POLN: variants seen among roughly 807,000 people sequenced by gnomAD.
The protein encoded by POLN is DNA polymerase N.
Under a neutral mutation model 113.5 loss-of-function variants are expected in POLN, and 108 were observed. The ratio of observed to expected loss-of-function variants is 0.95; its 90% CI spans 0.81 to 1.12. POLN has a LOEUF of 1.12. POLN is among the 50% of genes most tolerant of loss of function. The pLI, the probability that POLN is intolerant of heterozygous loss-of-function variation, is 0.00. For missense variants in POLN, 1,097 were observed against 1,077.1 expected (o/e 1.02, Z -0.26); for synonymous variants, 386 against 391.5 (o/e 0.99, Z 0.17).
chr4:2,140,184 T>C (rs758349313), intron 16 of POLN, among the ~76,000 whole-genome samples: 8 of 152,136 alleles, frequency 5.3e-5, no homozygotes, highest in Non-Finnish European at 1.2e-4. Context: ...TTCAAGTGAT[T>C]GTCCTGCCTC....
intron 5 of POLN, among the ~76,000 whole-genome samples, chr4:2,199,861 G>C (rs1281796765): frequency 2.6e-5 from 4 of 152,130 alleles, no homozygotes; most frequent in Non-Finnish European, 5.9e-5. Context: ...ACAGGTGTGA[G>C]CCACCACACC....
chr4:2,184,033 T>C (rs1452918565), intron 7 of POLN, among the ~76,000 whole-genome samples: 1 of 152,018 alleles, frequency 6.6e-6, no homozygotes, highest in African/African-American at 2.4e-5. Context: ...TTCATATTTT[T>C]AGTAGAGATG....
intron 16 of POLN, among the ~76,000 whole-genome samples, chr4:2,141,911 T>C (rs528229138): frequency 1.3e-5 from 2 of 152,306 alleles, no homozygotes; most frequent in South Asian, 4.1e-4. Flanking sequence ...GCTCTGAGTT[T>C]CTAACCCAGA....
intron 19 of POLN, among the ~76,000 whole-genome samples, chr4:2,107,357 T>C (rs1731089017): frequency 6.6e-6 from 1 of 152,222 alleles, no homozygotes; most frequent in Non-Finnish European, 1.5e-5. Context: ...TAACCATACA[T>C]ACTAGCAGCA....
intron 23 of POLN, 59 bp from the exon 24 acceptor site, chr4:2,075,578 G>T (rs1339503392): frequency 3.2e-6 from 5 of 1,576,338 alleles, no homozygotes; most frequent in Non-Finnish European, 4.4e-6. Context: ...TGGGCCACCA[G>T]CCTGGCAGGG....
At position 2,080,294 on chromosome 4, in the gene POLN, G is replaced by A. The variant is rs558536427; in HGVS notation, c.2387+664C>T. On this transcript the variant is annotated intron_variant, in intron 23 of 25. Transcript: ENST00000511885. ...CTGGCCACCCACACTCTTGAGGAAT[G>A]TGCCCTGGGGGAATAACTGAGGCAG... The A allele has an allele frequency of 1.2e-5, 12 of 992,716 alleles. No homozygotes were observed. In the South Asian group the frequency reaches 4.9e-4, roughly 40 times the overall value. 61.5% of individuals were successfully genotyped at this position (992,716 alleles called of 1,614,324 possible). A position where few individuals can be genotyped will look rare whatever the true frequency, so the allele number is the denominator to read the frequency against.
Position 2,141,931 on chromosome 4 carries a change from G to C in POLN, c.1732-10641C>G, listed in dbSNP as rs1262868250. 2.0e-5 allele frequency among the ~76,000 whole-genome samples: 3 copies of C among 152,176 alleles called. 1 individual carries two copies. The highest frequency in any genetic ancestry group is 2.0e-4 in the Admixed American group (3 of 15,276). On this transcript the variant is annotated intron_variant, in intron 16 of 25. Coordinates refer to ENST00000511885, the MANE Select transcript of POLN (RefSeq NM_181808.4). Reference sequence around the variant, plus strand: ...GAGTTTCTAACCCAGAGGGGCCAGAGGAAGTCAGAGCCTTTCAAAGACTCT... The same window carrying C: ...GAGTTTCTAACCCAGAGGGGCCAGACGAAGTCAGAGCCTTTCAAAGACTCT...
rs1577759075 is a variant in POLN, at chr4:2,193,271, A to G, written c.954T>C (p.Cys318=). The G allele has an allele frequency of 6.2e-7, 1 of 1,610,806 alleles. No individual in the cohort carries two copies. Among genetic ancestry groups the G allele is most frequent in the African/African-American group, 1.3e-5 (1 of 74,692 alleles). The stretch of plus-strand genomic sequence containing the variant: ...TTCTCACAAAATCCTTAGCATTAAA[A>G]CAAATAACAGGACATTTACATTTCA... ...QTMKCKCPVI[C]FNAKDFVRIV... is the part of the protein sequence containing the mutation. The change falls in exon 7 of 26, where the codon TGT becomes TGC. Residue 318 remains cysteine (C), a synonymous_variant. Transcript: ENST00000511885.
At chr4:2,213,626 C>T (rs1363514122) in intron 3 of POLN, among the ~76,000 whole-genome samples, 2 of 152,172 alleles carry the variant, frequency 1.3e-5, no homozygotes, top group Admixed American at 1.3e-4. Flanking sequence ...AGTCTGTGCT[C>T]TTAACCACTG....
At chr4:2,080,669 C>G (rs1730386772) in intron 23 of POLN, 1 of 1,325,104 alleles carries the variant, frequency 7.5e-7, no homozygotes, top group South Asian at 1.5e-5. Flanking sequence ...TGGGCAGCCT[C>G]AAGGGGTGCC....
At chr4:2,153,727 C>G (rs368259439) in intron 16 of POLN, among the ~76,000 whole-genome samples, 2 of 151,662 alleles carry the variant, frequency 1.3e-5, no homozygotes, top group Admixed American at 1.3e-4. Context: ...GGACCACAGG[C>G]GCCCACTACC....
At chr4:2,181,276 C>T (rs1733135081) in intron 7 of POLN, among the ~76,000 whole-genome samples, 1 of 152,068 alleles carries the variant, frequency 6.6e-6, no homozygotes, top group Admixed American at 6.5e-5. Context: ...TCCCGAGTAG[C>T]TGGGATTATA....
In POLN at chr4:2,126,234, A is replaced by G. The variant is rs992862829; in HGVS notation, c.1982+1879T>C. On this transcript the variant is annotated intron_variant, in intron 19 of 25. Transcript: ENST00000511885. This position sits in a 1 kb window ranked among gnomAD's most constrained non-coding sequence, Gnocchi z 4.6. ...TTTCCCTGCTGTCACCATAAACACA[A>G]TTTCACAGCTACTCCAAAGTCCAGG... Among the ~76,000 whole-genome samples the G allele has an allele frequency of 6.6e-6, 1 of 152,128 alleles. No individual in the cohort carries two copies. Among genetic ancestry groups the G allele is most frequent in the Non-Finnish European group, 1.5e-5 (1 of 68,022 alleles).
At chr4:2,206,934 A>C (rs1733859340) in intron 5 of POLN, among the ~76,000 whole-genome samples, 1 of 152,258 alleles carries the variant, frequency 6.6e-6, no homozygotes, top group Non-Finnish European at 1.5e-5. Context: ...TTATACGTAA[A>C]GGATACTTGC....
intron 13 of POLN, among the ~76,000 whole-genome samples, chr4:2,162,442 T>C (rs544679340): frequency 6.6e-6 from 1 of 152,266 alleles, no homozygotes; most frequent in East Asian, 1.9e-4. Context: ...TTAAGAGCTA[T>C]AACACTCACC....
chr4:2,172,097 C>G lies in POLN; in HGVS notation c.1375-916G>C, dbSNP rs1301770248. Reference sequence around the variant, plus strand: ...AAGAAATTCCTAAAAGCTAATGATGCTATGAAAAGCTAATCGATCCCACTA... The same window carrying G: ...AAGAAATTCCTAAAAGCTAATGATGGTATGAAAAGCTAATCGATCCCACTA... On this transcript the variant is annotated intron_variant, in intron 11 of 25. Transcript: ENST00000511885. Among the ~76,000 whole-genome samples, 4 of 152,102 alleles carry G rather than the reference C, an allele frequency of 2.6e-5. No individual in the cohort carries two copies. The East Asian group carries it at 7.7e-4, about 29-fold the overall frequency.
intron 8 of POLN, among the ~76,000 whole-genome samples, 172 bp from the exon 9 acceptor site, chr4:2,176,506 C>T (rs537985471): frequency 6.6e-5 from 10 of 152,318 alleles, no homozygotes; most frequent in Non-Finnish European, 1.0e-4. Context: ...TAGACAAGTT[C>T]GCATCTGTAG....
intron 19 of POLN, among the ~76,000 whole-genome samples, chr4:2,122,697 G>A (rs1731474006): frequency 6.6e-6 from 1 of 152,066 alleles, no homozygotes; most frequent in Non-Finnish European, 1.5e-5. Context: ...GTTAAATATG[G>A]GTACCACTGA....
At chr4:2,083,812 T>C (rs1328580871) in intron 21 of POLN, among the ~76,000 whole-genome samples, 1 of 152,256 alleles carries the variant, frequency 6.6e-6, no homozygotes, top group East Asian at 1.9e-4. Context: ...CCACCTGGCA[T>C]AGAAAGGTGT....
Sources: gnomAD v4.1 joint callset for allele counts (sites outside exome capture counted in the v4.1 genomes callset) on GRCh38, gnomAD v4.1.1 for gene constraint, Gnocchi (gnomAD v3.1) non-coding constraint, MANE v1.5 for transcripts, NCBI Gene and HGNC (gene_info 2026-07-23, HGNC 2026-07-21) for gene names.